NFAT5: variants seen among roughly 807,000 people sequenced by gnomAD.
The protein encoded by NFAT5 is nuclear factor of activated T cells 5.
A neutral mutation model predicts 166.5 loss-of-function variants in NFAT5; 31 were observed. The ratio of observed to expected loss-of-function variants is 0.19; its 90% CI spans 0.14 to 0.25. NFAT5 has a LOEUF of 0.25. Ranked by LOEUF, NFAT5 falls within the 10% of genes least tolerant of loss-of-function variation. The pLI, the probability that NFAT5 is intolerant of heterozygous loss-of-function variation, is 1.00. For missense variants in NFAT5, 1,449 were observed against 1,821.8 expected, an observed-to-expected ratio of 0.80 and a Z score of 3.72; for synonymous variants, 612 against 639.7, an observed-to-expected ratio of 0.96 and a Z score of 0.65.
chr16:69,676,868 G>A (rs1451619698), intron 9 of NFAT5: 1 of 198,718 alleles, frequency 5.0e-6, no homozygotes, highest in Non-Finnish European at 1.0e-5. Flanking sequence ...AGAATAACAA[G>A]TATAGAGAAT....
chr16:69,662,584 C>T (rs902678189), intron 7 of NFAT5, among the ~76,000 whole-genome samples: 6 of 151,436 alleles, frequency 4.0e-5, no homozygotes, highest in African/African-American at 1.2e-4. Flanking sequence ...CTCAGCCTCC[C>T]GAGTAGCTGG....
chr16:69,683,956 A>G (rs995011886), intron 10 of NFAT5, among the ~76,000 whole-genome samples: 5 of 152,024 alleles, frequency 3.3e-5, no homozygotes, highest in African/African-American at 9.6e-5. Flanking sequence ...AAAATTACCC[A>G]GGTATGATGG....
Position 69,653,405 on chromosome 16 carries a change from C to CAGCA in NFAT5, c.985_988dup (p.Gly330AlafsTer12). On this transcript the variant is annotated frameshift_variant, in exon 5 of 15. Coordinates refer to ENST00000349945, the MANE Select transcript of NFAT5 (RefSeq NM_138713.4). LOFTEE classifies it high-confidence loss of function. ...CCGTGGCTCAGTGAAAGATAGAACACAGCAAGGCTTTCCTACAGTAAAGGT... is the reference window on the plus strand; with the variant it reads ...CCGTGGCTCAGTGAAAGATAGAACACAGCAAGCAAGGCTTTCCTACAGTAAAGGT... The CAGCA allele has an allele frequency of 6.3e-7, 1 of 1,583,632 alleles. No individual in the cohort carries two copies. Among genetic ancestry groups the CAGCA allele is most frequent in the Non-Finnish European group, 8.5e-7 (1 of 1,171,548 alleles).
intron 3 of NFAT5, among the ~76,000 whole-genome samples, chr16:69,638,078 G>A (rs537499990): frequency 6.6e-6 from 1 of 152,104 alleles, no homozygotes; most frequent in Non-Finnish European, 1.5e-5. Context: ...AATTATCTGG[G>A]CATGGTGGCA....
At chr16:69,642,797 A>G (rs2035270434) in intron 3 of NFAT5, among the ~76,000 whole-genome samples, 2 of 151,962 alleles carry the variant, frequency 1.3e-5, no homozygotes, top group Admixed American at 6.6e-5. Context: ...AGCCTTGGCA[A>G]CAGAGCAAGA....
intron 3 of NFAT5, among the ~76,000 whole-genome samples, chr16:69,643,526 A>G (rs2035306942): frequency 1.3e-5 from 2 of 152,242 alleles, no homozygotes; most frequent in African/African-American, 4.8e-5. Context: ...AAATTACTAG[A>G]GTACTCTCGG....
At chr16:69,589,842 TCATTGACA>T (rs1398644365) in intron 2 of NFAT5, among the ~76,000 whole-genome samples, 2 of 152,158 alleles carry the variant, frequency 1.3e-5, no homozygotes, top group African/African-American at 4.8e-5. Flanking sequence ...CATAGATGAC[TCATTGACA>T]CCCCACGCAT....
chr16:69,693,356 A>AT lies in NFAT5; in HGVS notation c.3537dup (p.Ala1180CysfsTer16). On this transcript the variant is annotated frameshift_variant, in exon 13 of 15. Transcript: ENST00000349945. LOFTEE classifies it high-confidence loss of function. ...AGACTAACACAGTAGCCCAAGAAGC[A>AT]TTTTTTGCAGCACCGAACTCAATTT... 1 of 1,614,146 alleles carries AT rather than the reference A, an allele frequency of 6.2e-7. No individual in the cohort carries two copies. The highest frequency in any genetic ancestry group is 8.5e-7 in the Non-Finnish European group (1 of 1,180,026).
At chr16:69,645,856 G>A (rs1358193850) in intron 3 of NFAT5, among the ~76,000 whole-genome samples, 1 of 152,106 alleles carries the variant, frequency 6.6e-6, no homozygotes, top group Non-Finnish European at 1.5e-5. Flanking sequence ...CAACCTTAGC[G>A]ATCAACGCGC....
At chr16:69,671,588 C>T (rs1597514894) in intron 9 of NFAT5, among the ~76,000 whole-genome samples, 2 of 152,304 alleles carry the variant, frequency 1.3e-5, no homozygotes, top group East Asian at 1.9e-4. Flanking sequence ...CCAGGATGGC[C>T]TCCATCTCCT....
chr16:69,599,392 T>G (rs894403505), intron 2 of NFAT5, among the ~76,000 whole-genome samples: 1 of 151,842 alleles, frequency 6.6e-6, no homozygotes, highest in Non-Finnish European at 1.5e-5. Flanking sequence ...GCCTGGCCAA[T>G]ATGGTGAAAC....
chr16:69,586,347 A>C (rs1005079105), intron 2 of NFAT5, among the ~76,000 whole-genome samples: 1 of 152,182 alleles, frequency 6.6e-6, no homozygotes, highest in African/African-American at 2.4e-5. Context: ...ACTAGACTAC[A>C]GATGACTTTG....
intron 2 of NFAT5, among the ~76,000 whole-genome samples, chr16:69,599,059 C>T (rs1003495335): frequency 3.4e-5 from 5 of 147,894 alleles, no homozygotes; most frequent in African/African-American, 1.2e-4. Flanking sequence ...ATGGGATTGA[C>T]AAGTCCATAG....
At position 69,626,502 on chromosome 16, in the gene NFAT5, C is replaced by G; in HGVS notation, c.227C>G (p.Ser76Trp). 1 of 1,570,390 alleles carries G rather than the reference C, an allele frequency of 6.4e-7. No homozygotes were observed. The highest frequency in any genetic ancestry group is 8.6e-7 in the Non-Finnish European group (1 of 1,160,794). Residue 76 changes from serine to tryptophan, a missense_variant, in exon 3 of 15, where the codon TCG becomes TGG. By Grantham distance (177) the Ser-to-Trp change is radical. Transcript: ENST00000349945. ...MSQTSGGEAGSPPPAVVAADA... is the reference protein window; with the variant it reads ...MSQTSGGEAGWPPPAVVAADA... ...CAGACAAGCGGTGGTGAGGCAGGCT[C>G]GCCTCCTCCAGCTGTTGTTGCTGCT... is the stretch of plus-strand genomic sequence containing the variant.
At position 69,653,196 on chromosome 16, in the gene NFAT5, C is replaced by G. The variant is rs74026897; in HGVS notation, c.813-40C>G. ...GGCTTTTTTTTTTTATCAAAAAACT[C>G]TTTTTGATACTTTCTCCATGTTGTG... On this transcript the variant is annotated intron_variant, in intron 4 of 14. Transcript: ENST00000349945. 4,660 of 1,342,372 alleles carry G rather than the reference C, an allele frequency of 3.5e-3. 147 individuals are homozygous for G. In the African/African-American group the frequency reaches 0.064, roughly 19 times the overall value. 83.2% of individuals were successfully genotyped at this position (1,342,372 alleles called of 1,614,324 possible). A position where few individuals can be genotyped will look rare whatever the true frequency, so the allele number is the denominator to read the frequency against.
At chr16:69,599,289 G>A (rs947366998) in intron 2 of NFAT5, among the ~76,000 whole-genome samples, 5 of 151,992 alleles carry the variant, frequency 3.3e-5, no homozygotes, top group Admixed American at 6.6e-5. Context: ...AAAAATGTTG[G>A]GAGTTGGCCA....
In NFAT5 at chr16:69,647,053, C is replaced by T. The variant is rs376868229; in HGVS notation, c.279C>T (p.Ser93=). The change falls in exon 4 of 15, where the codon TCC becomes TCT. Residue 93 remains serine (S), a synonymous_variant. Coordinates refer to ENST00000349945, the MANE Select transcript of NFAT5 (RefSeq NM_138713.4). The surrounding 1 kb of genome is among the most constrained non-coding windows in gnomAD (Gnocchi z 4.8). ...ATGCTTCTTCAGCTCCCTCCTCTTC[C>T]TCCATGGGCGGTGCTTGCAGCTCCT... is the stretch of plus-strand genomic sequence containing the variant. The part of the protein sequence containing the change: ...AADASSAPSS[S]SMGGACSSFT... 3 of 1,591,934 alleles carry T rather than the reference C, an allele frequency of 1.9e-6. No individual in the cohort carries two copies. Among genetic ancestry groups the T allele is most frequent in the South Asian group, 2.3e-5 (2 of 88,248 alleles).
At chr16:69,657,388 C>G (rs1298399737) in intron 6 of NFAT5, among the ~76,000 whole-genome samples, 2 of 151,708 alleles carry the variant, frequency 1.3e-5, no homozygotes, top group Non-Finnish European at 2.9e-5. Context: ...CCTCAGGCTC[C>G]CAAAGTGCTG....
At chr16:69,641,268 A>G (rs1343470684) in intron 3 of NFAT5, among the ~76,000 whole-genome samples, 2 of 125,506 alleles carry the variant, frequency 1.6e-5, no homozygotes, top group South Asian at 5.2e-4. Context: ...ACAGAGTGAG[A>G]CTCCGTCTCA....
Sources: allele counts gnomAD v4.1 joint callset (sites outside exome capture counted in the v4.1 genomes callset), GRCh38; gene constraint gnomAD v4.1.1; non-coding constraint Gnocchi (gnomAD v3.1); transcripts MANE v1.5; gene names NCBI Gene and HGNC (gene_info 2026-07-23, HGNC 2026-07-21).